Variants in NOVA1 observed in about 807,000 individuals in gnomAD.
NOVA1 encodes NOVA alternative splicing regulator 1, also known as RNA-binding protein Nova-1.
Under a neutral mutation model 38.0 loss-of-function variants are expected in NOVA1, and 7 were observed. The ratio of observed to expected loss-of-function variants is 0.18; its 90% CI spans 0.10 to 0.35. NOVA1 has a LOEUF of 0.35. NOVA1 is among the 10% of genes least tolerant of loss of function. The pLI is 1.00. For missense variants in NOVA1, 460 were observed against 616.0 expected (o/e 0.75, Z 2.68); for synonymous variants, 270 against 232.5 (o/e 1.16, Z -1.47).
intron 2 of NOVA1, among the ~76,000 whole-genome samples, chr14:26,571,238 G>C (rs1892452334): frequency 6.6e-6 from 1 of 151,938 alleles, no homozygotes; most frequent in African/African-American, 2.4e-5. Flanking sequence ...GGAATTAAGT[G>C]TCCTCACGTT....
chr14:26,588,537 C>G (rs1893665773), intron 2 of NOVA1: 1 of 151,202 alleles, frequency 6.6e-6, no homozygotes, highest in South Asian at 2.1e-4. Context: ...TTTTCATGAT[C>G]AAGATTTGGA....
At chr14:26,522,618 G>C (rs1261383396) in intron 2 of NOVA1, among the ~76,000 whole-genome samples, 3 of 151,948 alleles carry the variant, frequency 2.0e-5, no homozygotes, top group Non-Finnish European at 4.4e-5. Flanking sequence ...AATCCATCTT[G>C]GTCTTAGCTA....
At chr14:26,543,969 C>T (rs764701632) in intron 2 of NOVA1, among the ~76,000 whole-genome samples, 1 of 151,886 alleles carries the variant, frequency 6.6e-6, no homozygotes, top group Non-Finnish European at 1.5e-5. Flanking sequence ...CACCGTGATG[C>T]ACTCAGAATT....
chr14:26,597,728 CA>C lies in NOVA1; in HGVS notation c.-293del, dbSNP rs1179690061. On this transcript the variant is annotated 5_prime_UTR_variant, in exon 1 of 5. Transcript: ENST00000539517. ...GGTGAAAGAAGAAGAAGAAAGGAGA[CA>C]GGGGGAGAGAGTGGAGAAGGGAGAG... 2.2e-5 allele frequency: 24 copies of C among 1,076,176 alleles called. No individual in the cohort carries two copies. Among genetic ancestry groups the C allele is most frequent in the East Asian group, 5.7e-5 (1 of 17,660 alleles). The allele number at this position is 1,076,176 out of a possible 1,614,324, so 66.7% of individuals were successfully genotyped here.
Position 26,597,504 on chromosome 14 carries a change from T to TTTA in NOVA1, c.-69_-68insTAA. Reference sequence around the variant, plus strand: ...TTTGTTTTGGCTTTTTCTTTTCTTTTTTCTTTTTTTTTTTTTTTTTTTTTT... The same window carrying TTTA: ...TTTGTTTTGGCTTTTTCTTTTCTTTTTTATTCTTTTTTTTTTTTTTTTTTTTTT... On this transcript the variant is annotated 5_prime_UTR_variant, in exon 1 of 5. Coordinates refer to ENST00000539517, the MANE Select transcript of NOVA1 (RefSeq NM_002515.3). 1 of 1,187,140 alleles carries TTTA rather than the reference T, an allele frequency of 8.4e-7. No homozygotes were observed. Among genetic ancestry groups the TTTA allele is most frequent in the East Asian group, 3.5e-5 (1 of 28,730 alleles). The allele number at this position is 1,187,140 out of a possible 1,614,324, so 73.5% of individuals were successfully genotyped here. A position where few individuals can be genotyped will look rare whatever the true frequency, so the allele number is the denominator to read the frequency against.
chr14:26,476,047 C>T (rs1184774439), intron 3 of NOVA1, among the ~76,000 whole-genome samples: 1 of 152,118 alleles, frequency 6.6e-6, no homozygotes, highest in East Asian at 1.9e-4. Flanking sequence ...CCTTCCCAAT[C>T]CCCTATTTTG....
rs1398730644 is a variant in NOVA1, at chr14:26,448,931, A to G, written c.552T>C (p.Gly184=). Residue 184 remains glycine (G), a synonymous_variant, in exon 5 of 5, where the codon GGT becomes GGC. Coordinates refer to ENST00000539517, the MANE Select transcript of NOVA1 (RefSeq NM_002515.3). The surrounding 1 kb of genome is among the most constrained non-coding windows in gnomAD (Gnocchi z 5.3). ...TAGCACCTCCCTTCCCTATTATCAG[A>G]CCTGCTGTGCTGTTGGGAACTATAA... ...VKIIVPNSTA[G]LIIGKGGATV... 1 of 1,613,806 alleles carries G rather than the reference A, an allele frequency of 6.2e-7. No homozygotes were observed. The highest frequency in any genetic ancestry group is 1.7e-5 in the Admixed American group (1 of 60,002).
At chr14:26,589,707 T>C (rs1001221400) in intron 2 of NOVA1, among the ~76,000 whole-genome samples, 3 of 151,844 alleles carry the variant, frequency 2.0e-5, no homozygotes, top group Admixed American at 1.3e-4. Context: ...ACTGGTGGCA[T>C]AGTGAAATGT....
At position 26,514,360 on chromosome 14, in the gene NOVA1, T is replaced by C. The variant is rs190644039; in HGVS notation, c.281-34217A>G. On this transcript the variant is annotated intron_variant, in intron 2 of 4. Coordinates refer to ENST00000539517, the MANE Select transcript of NOVA1 (RefSeq NM_002515.3). Reference sequence around the variant, plus strand: ...CTGATCTACATGTTCATAGTTATGGTAAATCTGTATTCTCACAGAATACCA... The same window carrying C: ...CTGATCTACATGTTCATAGTTATGGCAAATCTGTATTCTCACAGAATACCA... Among the ~76,000 whole-genome samples the C allele has an allele frequency of 7.6e-4, 116 of 151,886 alleles. 1 individual carries two copies. Among genetic ancestry groups the C allele is most frequent in the East Asian group, 3.3e-3 (17 of 5,170 alleles).
At chr14:26,587,513 G>C (rs1438148208) in intron 2 of NOVA1, among the ~76,000 whole-genome samples, 3 of 150,884 alleles carry the variant, frequency 2.0e-5, no homozygotes, top group African/African-American at 7.3e-5. Flanking sequence ...CAGCTTCCAG[G>C]CAGACTTCAC....
intron 2 of NOVA1, among the ~76,000 whole-genome samples, chr14:26,542,016 T>G (rs1441063025): frequency 6.6e-6 from 1 of 151,920 alleles, no homozygotes; most frequent in Admixed American, 6.6e-5. Flanking sequence ...CTAAGATTCC[T>G]AAGCCAATAA....
intron 2 of NOVA1, among the ~76,000 whole-genome samples, chr14:26,486,245 G>A (rs1885876820): frequency 6.6e-6 from 1 of 151,958 alleles, no homozygotes; most frequent in Non-Finnish European, 1.5e-5. Context: ...TTTGTGAGTG[G>A]TATCTATTCT....
chr14:26,568,342 A>T (rs931381784), intron 2 of NOVA1: 4 of 152,190 alleles, frequency 2.6e-5, no homozygotes, highest in Non-Finnish European at 1.5e-5. Flanking sequence ...TATACAATGT[A>T]CAGCATGGAC....
intron 2 of NOVA1, among the ~76,000 whole-genome samples, chr14:26,506,887 G>A (rs1887677551): frequency 1.3e-5 from 2 of 152,002 alleles, no homozygotes; most frequent in South Asian, 4.1e-4. Flanking sequence ...GCCAACAACT[G>A]TTCTTTAAGG....
intron 2 of NOVA1, among the ~76,000 whole-genome samples, chr14:26,568,106 G>A (rs1187529506): frequency 6.6e-6 from 1 of 152,112 alleles, no homozygotes; most frequent in Non-Finnish European, 1.5e-5. Flanking sequence ...TAATAAGAGA[G>A]ATTTAGGTAA....
chr14:26,596,040 G>C (rs1001373793), intron 1 of NOVA1: 7 of 251,768 alleles, frequency 2.8e-5, no homozygotes, highest in South Asian at 1.3e-4. Flanking sequence ...ATTAGCCATT[G>C]CCTATATCCT....
chr14:26,554,386 T>C (rs1156728675), intron 2 of NOVA1, among the ~76,000 whole-genome samples: 5 of 152,000 alleles, frequency 3.3e-5, no homozygotes, highest in Non-Finnish European at 7.4e-5. Flanking sequence ...CATTCTCCAC[T>C]CACTGGATTG....
At chr14:26,486,483 G>T (rs1594381948) in intron 2 of NOVA1, among the ~76,000 whole-genome samples, 1 of 151,830 alleles carries the variant, frequency 6.6e-6, no homozygotes, top group Non-Finnish European at 1.5e-5. Context: ...GCTGAGGCGG[G>T]CGGATCATGA....
intron 4 of NOVA1, among the ~76,000 whole-genome samples, chr14:26,458,881 CAT>C (rs1473427844): frequency 6.6e-6 from 1 of 151,964 alleles, no homozygotes; most frequent in Non-Finnish European, 1.5e-5. Flanking sequence ...TTTTGGACAA[CAT>C]GTTAGTGTTT....
Sources: allele counts gnomAD v4.1 joint callset (sites outside exome capture counted in the v4.1 genomes callset), GRCh38; gene constraint gnomAD v4.1.1; non-coding constraint Gnocchi (gnomAD v3.1); transcripts MANE v1.5; gene names NCBI Gene and HGNC (gene_info 2026-07-23, HGNC 2026-07-21).